PRSS12: variants seen among roughly 807,000 people sequenced by gnomAD.
PRSS12 encodes the protein serine protease 12, also known as neurotrypsin.
A neutral mutation model predicts 104.4 loss-of-function variants in PRSS12; 85 were observed. That is an observed-to-expected ratio of 0.81 (90% CI 0.68 to 0.98). PRSS12 has a LOEUF of 0.98. Ranked by LOEUF, PRSS12 falls within the 50% of genes least tolerant of loss-of-function variation. PRSS12 has a pLI of 0.00. For synonymous variants in PRSS12, 454 were observed against 425.2 expected (o/e 1.07, Z -0.83); for missense variants, 1,141 against 1,139.2 (o/e 1.00, Z -0.02).
intron 8 of PRSS12, 22 bp downstream of exon 8, chr4:118,308,414 C>T: frequency 6.2e-7 from 1 of 1,613,676 alleles, no homozygotes; most frequent in Non-Finnish European, 8.5e-7. Context: ...GTAACCATCC[C>T]AAATAATTAG....
Position 118,316,454 on chromosome 4 carries a change from A to T in PRSS12, c.1151-131T>A. The stretch of plus-strand genomic sequence containing the variant: ...AGGCCTTTTGCTAAACTTACATTAC[A>T]TCTGTGCTAAATGACCCTCTGAGGT... On this transcript the variant is annotated intron_variant, in intron 5 of 12. Coordinates refer to ENST00000296498, the MANE Select transcript of PRSS12 (RefSeq NM_003619.4). 3.6e-6 allele frequency: 4 copies of T among 1,118,996 alleles called. 1 individual carries two copies. The South Asian group carries it at 5.3e-5, about 15-fold the overall frequency. The allele number at this position is 1,118,996 out of a possible 1,614,324, so 69.3% of individuals were successfully genotyped here. A position where few individuals can be genotyped will look rare whatever the true frequency, so the allele number is the denominator to read the frequency against.
intron 5 of PRSS12, 135 bp from the exon 6 acceptor site, chr4:118,316,458 G>T: frequency 9.4e-7 from 1 of 1,069,148 alleles, no homozygotes; most frequent in East Asian, 2.6e-5. Context: ...CATTACATCT[G>T]TGCTAAATGA....
chr4:118,286,593 T>C (rs982418039), intron 11 of PRSS12, among the ~76,000 whole-genome samples: 2 of 152,164 alleles, frequency 1.3e-5, no homozygotes, highest in African/African-American at 4.8e-5. Context: ...TATTGTATCC[T>C]TAGCACCCAG....
chr4:118,335,705 T>G, intron 2 of PRSS12, 54 bp from the exon 3 acceptor site: 1 of 1,523,442 alleles, frequency 6.6e-7, no homozygotes, highest in Admixed American at 1.7e-5. Flanking sequence ...AAACTTTTTA[T>G]CAAAACATTT....
chr4:118,299,847 T>C (rs1219265028), intron 8 of PRSS12, among the ~76,000 whole-genome samples: 1 of 141,068 alleles, frequency 7.1e-6, no homozygotes, highest in African/African-American at 2.6e-5. Flanking sequence ...TAAAATAAAT[T>C]AGCTGGGCAT....
intron 11 of PRSS12, among the ~76,000 whole-genome samples, chr4:118,292,020 T>TA (rs1364577950): frequency 6.6e-6 from 1 of 151,954 alleles, no homozygotes; most frequent in Non-Finnish European, 1.5e-5. Context: ...GACACGCGTA[T>TA]ACCTATGTAA....
At chr4:118,350,615 C>T (rs1428557619) in intron 1 of PRSS12, among the ~76,000 whole-genome samples, 1 of 152,102 alleles carries the variant, frequency 6.6e-6, no homozygotes, top group Non-Finnish European at 1.5e-5. Context: ...GGGATTTTGT[C>T]TGGTGAGAGT....
chr4:118,338,095 A>G, intron 2 of PRSS12, 81 bp downstream of exon 2: 1 of 1,552,680 alleles, frequency 6.4e-7, no homozygotes, highest in Non-Finnish European at 8.9e-7. Flanking sequence ...CAAAGATACA[A>G]GCTTTACAAA....
intron 4 of PRSS12, among the ~76,000 whole-genome samples, chr4:118,329,627 T>C (rs1723867173): frequency 1.3e-5 from 2 of 152,184 alleles, no homozygotes; most frequent in African/African-American, 4.8e-5. Flanking sequence ...GCTGGTTACT[T>C]TGAATGTAAA....
chr4:118,299,196 G>C (rs1475530613), intron 8 of PRSS12, among the ~76,000 whole-genome samples: 1 of 151,898 alleles, frequency 6.6e-6, no homozygotes, highest in Admixed American at 6.6e-5. Flanking sequence ...ACATTTAATG[G>C]CACATCAAAA....
intron 8 of PRSS12, 97 bp downstream of exon 8, chr4:118,308,339 A>C (rs1327831010): frequency 3.9e-5 from 58 of 1,493,932 alleles, no homozygotes; most frequent in Non-Finnish European, 5.2e-5. Flanking sequence ...TGAATGACAG[A>C]AGCTCATTTT....
At chr4:118,345,835 A>G (rs113884122) in intron 1 of PRSS12, among the ~76,000 whole-genome samples, 398 of 152,338 alleles carry the variant, frequency 2.6e-3, no homozygotes, top group African/African-American at 9.3e-3. Context: ...ACAAGTCCCA[A>G]CCATACTCCT....
intron 2 of PRSS12, among the ~76,000 whole-genome samples, chr4:118,336,201 C>T (rs1306648566): frequency 6.6e-6 from 1 of 152,170 alleles, no homozygotes; most frequent in Non-Finnish European, 1.5e-5. Flanking sequence ...TAAAACCTTA[C>T]ACTGTATATA....
chr4:118,295,181 A>C, intron 10 of PRSS12, 120 bp from the exon 11 acceptor site: 1 of 1,305,284 alleles, frequency 7.7e-7, no homozygotes, highest in Non-Finnish European at 1.1e-6. Context: ...AAAGGAAAGC[A>C]AAAGGGACTC....
At chr4:118,319,128 T>C (rs1161305451) in intron 4 of PRSS12, among the ~76,000 whole-genome samples, 1 of 152,162 alleles carries the variant, frequency 6.6e-6, no homozygotes, top group African/African-American at 2.4e-5. Context: ...GGCATGACCA[T>C]AGCTTACTGC....
chr4:118,284,433 T>C (rs1742968924), intron 11 of PRSS12, among the ~76,000 whole-genome samples: 1 of 152,196 alleles, frequency 6.6e-6, no homozygotes, highest in Non-Finnish European at 1.5e-5. Context: ...TAAGACTTAA[T>C]TTCCAATAAC....
chr4:118,321,634 C>T (rs950947882), intron 4 of PRSS12, among the ~76,000 whole-genome samples: 6 of 152,144 alleles, frequency 3.9e-5, no homozygotes, highest in Non-Finnish European at 7.3e-5. Flanking sequence ...GGAATCCCCA[C>T]GTACCCCTGA....
chr4:118,338,078 T>C, intron 2 of PRSS12, 98 bp downstream of exon 2: 1 of 1,488,206 alleles, frequency 6.7e-7, no homozygotes, highest in Non-Finnish European at 9.3e-7. Flanking sequence ...AAAGTGACAG[T>C]AAGAAACAAA....
At chr4:118,292,810 T>C (rs1028899809) in intron 11 of PRSS12, among the ~76,000 whole-genome samples, 1 of 151,770 alleles carries the variant, frequency 6.6e-6, no homozygotes, top group Non-Finnish European at 1.5e-5. Context: ...AGGTCAGGAG[T>C]ACAAGACCAG....
Sources: allele counts gnomAD v4.1 joint callset (sites outside exome capture counted in the v4.1 genomes callset), GRCh38; gene constraint gnomAD v4.1.1; transcripts MANE v1.5; gene names NCBI Gene and HGNC (gene_info 2026-07-23, HGNC 2026-07-21).